Variants in RIMS2 observed in about 807,000 individuals in gnomAD.
RIMS2 encodes the protein regulating synaptic membrane exocytosis 2, also known as regulating synaptic membrane exocytosis protein 2.
RIMS2 carries 59 observed loss-of-function variants against 174.4 expected under a neutral mutation model. That is an observed-to-expected ratio of 0.34 (90% CI 0.27 to 0.42). The LOEUF is 0.42. Ranked by LOEUF, RIMS2 falls within the 10% of genes least tolerant of loss-of-function variation. RIMS2 has a pLI of 1.00. For missense variants in RIMS2, 1,620 were observed against 1,666.3 expected (o/e 0.97, Z 0.48); for synonymous variants, 606 against 572.5 (o/e 1.06, Z -0.84).
At chr8:104,202,570 C>T (rs532582363) in intron 19 of RIMS2, among the ~76,000 whole-genome samples, 7 of 152,204 alleles carry the variant, frequency 4.6e-5, no homozygotes, top group Non-Finnish European at 1.0e-4. Flanking sequence ...CAAGATCAAG[C>T]GTCCAGCAGG....
rs965830680 is a variant in RIMS2, at chr8:103,900,249, G to A, written c.1625-9885G>A. Among the ~76,000 whole-genome samples the A allele has an allele frequency of 4.0e-5, 6 of 151,610 alleles. 1 individual carries two copies. Among genetic ancestry groups the A allele is most frequent in the African/African-American group, 1.2e-4 (5 of 40,992 alleles). On this transcript the variant is annotated intron_variant, in intron 4 of 23. Transcript: ENST00000504942. ...ATTTTGTTTGTTCGTTTGAGATAGA[G>A]TCTCACTCTTGTCTCCCAGACTGGA...
intron 19 of RIMS2, among the ~76,000 whole-genome samples, chr8:104,056,659 A>C (rs959908889): frequency 1.8e-4 from 28 of 152,096 alleles, no homozygotes; most frequent in Admixed American, 1.7e-3. Context: ...AGGTGGGAGG[A>C]TTGCTTGAGC....
exon 8 of RIMS2, chr8:103,916,479 A>C: frequency 6.2e-7 from 1 of 1,611,494 alleles, no homozygotes; most frequent in South Asian, 1.1e-5. Context: ...AGTGTACAAC[A>C]TCATTCTAGA....
At chr8:103,927,178 G>A (rs2078936045) in intron 10 of RIMS2, among the ~76,000 whole-genome samples, 1 of 151,506 alleles carries the variant, frequency 6.6e-6, no homozygotes, top group Admixed American at 6.6e-5. Flanking sequence ...TTAGCAGTAA[G>A]CAGTGTTATC....
chr8:103,570,377 T>A (rs1210505367), intron 1 of RIMS2, among the ~76,000 whole-genome samples: 1 of 152,200 alleles, frequency 6.6e-6, no homozygotes, highest in Non-Finnish European at 1.5e-5. Flanking sequence ...TATTTATTCA[T>A]TATCAAAAGG....
At chr8:104,087,409 GAGA>G (rs2097555359) in intron 19 of RIMS2, among the ~76,000 whole-genome samples, 1 of 152,062 alleles carries the variant, frequency 6.6e-6, no homozygotes, top group African/African-American at 2.4e-5. Context: ...ATGGACAAGG[GAGA>G]AGTACACATA....
rs150841559 is a variant in RIMS2, at chr8:104,042,532, T to G, written c.3334+27917T>G. ...GGTATCAGTAGAGGCAGTCAATACA[T>G]GAGAAGTTATATAAAGATGTAGAAC... On this transcript the variant is annotated intron_variant, in intron 19 of 23. Transcript: ENST00000504942. Among the ~76,000 whole-genome samples, 367 of 151,590 alleles carry G rather than the reference T, an allele frequency of 2.4e-3. 2 individuals carry two copies. Among genetic ancestry groups the G allele is most frequent in the African/African-American group, 7.9e-3 (328 of 41,484 alleles).
chr8:103,702,244 G>A (rs970574376), intron 2 of RIMS2, among the ~76,000 whole-genome samples: 1 of 151,994 alleles, frequency 6.6e-6, no homozygotes, highest in Non-Finnish European at 1.5e-5. Flanking sequence ...TTTGAGAAAT[G>A]TCTATTTATA....
At chr8:104,010,739 A>T (rs982618922) in intron 17 of RIMS2, among the ~76,000 whole-genome samples, 1 of 152,152 alleles carries the variant, frequency 6.6e-6, no homozygotes, top group African/African-American at 2.4e-5. Flanking sequence ...GGAATTATTT[A>T]CCTAAGAAAG....
At chr8:103,899,661 C>T (rs2099315979) in intron 4 of RIMS2, among the ~76,000 whole-genome samples, 1 of 151,636 alleles carries the variant, frequency 6.6e-6, no homozygotes, top group South Asian at 2.1e-4. Flanking sequence ...TTCTCCCATT[C>T]TGTAGGTTGC....
intron 19 of RIMS2, among the ~76,000 whole-genome samples, chr8:104,106,809 C>A (rs2098077825): frequency 1.3e-5 from 2 of 152,174 alleles, no homozygotes; most frequent in Non-Finnish European, 2.9e-5. Context: ...CCCTCATAAT[C>A]ATGTTTATCC....
intron 19 of RIMS2, among the ~76,000 whole-genome samples, chr8:104,238,257 A>G (rs1314098623): frequency 1.3e-5 from 2 of 152,136 alleles, no homozygotes; most frequent in Non-Finnish European, 1.5e-5. Flanking sequence ...ATGAGAACAC[A>G]GGGACACAGG....
Position 104,057,654 on chromosome 8 carries a change from G to C in RIMS2, c.3334+43039G>C, listed in dbSNP as rs1307844807. ...ACATATGTATACATGTGCCATGCTG[G>C]TGTGCTGCACCCATTAACTCGTCAT... is the stretch of plus-strand genomic sequence containing the variant. On this transcript the variant is annotated intron_variant, in intron 19 of 23. Transcript: ENST00000504942. Among the ~76,000 whole-genome samples the C allele has an allele frequency of 2.0e-5, 3 of 150,656 alleles. No individual in the cohort carries two copies. In the South Asian group the frequency reaches 6.4e-4, roughly 32 times the overall value.
At chr8:104,010,957 T>C (rs771257810) in intron 17 of RIMS2, among the ~76,000 whole-genome samples, 5 of 152,276 alleles carry the variant, frequency 3.3e-5, no homozygotes, top group Non-Finnish European at 7.4e-5. Context: ...ATTTTAAGCC[T>C]TGCAAGTATT....
intron 15 of RIMS2, among the ~76,000 whole-genome samples, chr8:103,971,981 G>A (rs1596124117): frequency 6.6e-6 from 1 of 151,950 alleles, no homozygotes; most frequent in East Asian, 1.9e-4. Flanking sequence ...ATTCATGTTG[G>A]CATGGCCTGA....
At chr8:103,502,689 A>G (rs1820912135) in intron 1 of RIMS2, among the ~76,000 whole-genome samples, 1 of 152,078 alleles carries the variant, frequency 6.6e-6, no homozygotes, top group African/African-American at 2.4e-5. Flanking sequence ...GCAGTTTGAT[A>G]TTTAAATATG....
intron 19 of RIMS2, among the ~76,000 whole-genome samples, chr8:104,150,951 C>T (rs562180859): frequency 3.9e-5 from 6 of 152,284 alleles, no homozygotes; most frequent in African/African-American, 1.4e-4. Context: ...AATCCTTCTT[C>T]TCTTGGAGCT....
intron 19 of RIMS2, among the ~76,000 whole-genome samples, chr8:104,114,104 A>AT (rs1219700832): frequency 6.6e-6 from 1 of 151,938 alleles, no homozygotes; most frequent in Admixed American, 6.6e-5. Flanking sequence ...AGAATTCCTA[A>AT]TTTTTGTCAA....
At chr8:104,210,588 A>T (rs1868014) in intron 19 of RIMS2, among the ~76,000 whole-genome samples, 48,228 of 151,964 alleles carry the variant, frequency 0.32, 7,812 homozygotes, top group African/African-American at 0.37. Flanking sequence ...TCTCTTTTTT[A>T]AAATGTTGTT....
Sources: allele counts gnomAD v4.1 joint callset (sites outside exome capture counted in the v4.1 genomes callset), GRCh38; gene constraint gnomAD v4.1.1; transcripts MANE v1.5; gene names NCBI Gene and HGNC (gene_info 2026-07-23, HGNC 2026-07-21).